The following DCLK3 variants were observed in gnomAD, a reference collection of about 807,000 sequenced individuals.
DCLK3 encodes doublecortin like kinase 3, also known as serine/threonine-protein kinase DCLK3.
A neutral mutation model predicts 46.4 loss-of-function variants in DCLK3; 30 were observed. That is an observed-to-expected ratio of 0.65 (90% CI 0.48 to 0.88). The LOEUF (loss-of-function observed/expected upper bound fraction) is 0.88, where lower values mean the gene tolerates loss of function less well. DCLK3 is among the 40% of genes least tolerant of loss of function. DCLK3 has a pLI of 0.00. For missense variants in DCLK3, 846 were observed against 907.1 expected (o/e 0.93, Z 0.87); for synonymous variants, 401 against 339.2 (o/e 1.18, Z -2.00).
chr3:36,726,468 G>A (rs1701126614), intron 2 of DCLK3, among the ~76,000 whole-genome samples: 1 of 152,034 alleles, frequency 6.6e-6, no homozygotes, highest in Non-Finnish European at 1.5e-5. Flanking sequence ...TCCTGGAACT[G>A]GGGCAAAGGC....
At chr3:36,728,885 T>A (rs534720205) in intron 2 of DCLK3, among the ~76,000 whole-genome samples, 1 of 152,082 alleles carries the variant, frequency 6.6e-6, no homozygotes, top group African/African-American at 2.4e-5. Context: ...CCCTCACTCA[T>A]CCCTATTCCA....
At position 36,737,917 on chromosome 3, in the gene DCLK3, T is replaced by C. The variant is rs916987229; in HGVS notation, c.1250A>G (p.Glu417Gly). 1.2e-6 allele frequency: 2 copies of C among 1,614,012 alleles called. No individual in the cohort carries two copies. The highest frequency in any genetic ancestry group is 1.7e-6 in the Non-Finnish European group (2 of 1,180,048). ...CCCCTCCTCTGTGACAGGAAGAACT[T>C]CCACAAGGTCCTTCTTGGCCTTGGC... ...GAAKAKKDLV[E>G]VLPVTEEGLR... Residue 417 changes from glutamate (E) to glycine (G), a missense_variant, in exon 2 of 5, where the codon GAA (glutamate) becomes GGA (glycine). Glu to Gly is a moderately conservative substitution (Grantham distance 98). Coordinates refer to ENST00000636136, the MANE Select transcript of DCLK3 (RefSeq NM_001394672.2). The surrounding 1 kb of genome is among the most constrained non-coding windows in gnomAD (Gnocchi z 4.4).
At chr3:36,755,522 T>C (rs889296534) in intron 1 of DCLK3, among the ~76,000 whole-genome samples, 1 of 152,212 alleles carries the variant, frequency 6.6e-6, no homozygotes, top group Non-Finnish European at 1.5e-5. Context: ...TAGATTCTTA[T>C]TTTACAAATA....
intron 1 of DCLK3, among the ~76,000 whole-genome samples, chr3:36,742,976 G>A (rs1013684668): frequency 2.0e-5 from 3 of 152,098 alleles, no homozygotes; most frequent in South Asian, 2.1e-4. Flanking sequence ...AGGCCTGCCC[G>A]AGTCCACTCA....
At chr3:36,723,990 C>T (rs1475759686) in intron 2 of DCLK3, among the ~76,000 whole-genome samples, 1 of 152,208 alleles carries the variant, frequency 6.6e-6, no homozygotes, top group African/African-American at 2.4e-5. Flanking sequence ...CTTTCAATGC[C>T]AGCCTGTGAA....
At chr3:36,750,774 A>C (rs1701433565) in intron 1 of DCLK3, among the ~76,000 whole-genome samples, 1 of 152,198 alleles carries the variant, frequency 6.6e-6, no homozygotes, top group Non-Finnish European at 1.5e-5. Context: ...GTAAGAACTG[A>C]AACAGACCTT....
At chr3:36,741,387 G>T (rs923977742) in intron 1 of DCLK3, among the ~76,000 whole-genome samples, 2 of 152,204 alleles carry the variant, frequency 1.3e-5, no homozygotes, top group African/African-American at 4.8e-5. Flanking sequence ...GACAGAGAAA[G>T]AGATTTTAGC....
intron 1 of DCLK3, among the ~76,000 whole-genome samples, chr3:36,757,358 C>T (rs575748721): frequency 1.6e-3 from 237 of 152,200 alleles, no homozygotes; most frequent in African/African-American, 5.4e-3. Context: ...GAAAGTTGAT[C>T]GTTTGTGCTC....
chr3:36,718,795 C>A (rs1430641856), intron 3 of DCLK3, among the ~76,000 whole-genome samples: 3 of 152,168 alleles, frequency 2.0e-5, no homozygotes, highest in African/African-American at 7.2e-5. Context: ...TGTTTACTAG[C>A]TGTATCCCCA....
Position 36,718,130 on chromosome 3 carries a change from T to A in DCLK3, c.2140A>T (p.Ile714Phe). 6.2e-7 allele frequency: 1 copy of A among 1,614,042 alleles called. No individual in the cohort carries two copies. Among genetic ancestry groups the A allele is most frequent in the Non-Finnish European group, 8.5e-7 (1 of 1,180,016 alleles). ...DMWAAGVILY[I>F]LLCGFPPFRS... ...AATGGGGGAAAGCCACACAGCAGGA[T>A]ATAGAGGATCACGCCAGCAGCCCAC... The change falls in exon 4 of 5, where the codon ATC (isoleucine) becomes TTC (phenylalanine). Residue 714 changes from isoleucine to phenylalanine, a missense_variant. Ile to Phe is a conservative substitution (Grantham distance 21). Coordinates refer to ENST00000636136, the MANE Select transcript of DCLK3 (RefSeq NM_001394672.2).
At chr3:36,752,787 A>T (rs977939892) in intron 1 of DCLK3, among the ~76,000 whole-genome samples, 2 of 152,204 alleles carry the variant, frequency 1.3e-5, no homozygotes, top group African/African-American at 4.8e-5. Context: ...TTGAAGCTTT[A>T]ACCTGTTTCC....
chr3:36,761,343 T>C lies in DCLK3; in HGVS notation c.82+2839A>G, dbSNP rs372097712. On this transcript the variant is annotated intron_variant, in intron 1 of 4. Coordinates refer to ENST00000636136, the MANE Select transcript of DCLK3 (RefSeq NM_001394672.2). ...GCTATTAAATGAATGGTGAAGATAC[T>C]GAGGTTCCTAGAGAAGTTCAGTGAC... Among the ~76,000 whole-genome samples, 77 of 152,298 alleles carry C rather than the reference T, an allele frequency of 5.1e-4. No homozygotes were observed. In the East Asian group the frequency reaches 0.013, roughly 25 times the overall value.
chr3:36,764,399 C>A lies in DCLK3; in HGVS notation c.-136G>T. On this transcript the variant is annotated 5_prime_UTR_variant, in exon 1 of 5. The change creates a new upstream start codon in the 5' untranslated region. Coordinates refer to ENST00000636136, the MANE Select transcript of DCLK3 (RefSeq NM_001394672.2). The surrounding 1 kb of genome is among the most constrained non-coding windows in gnomAD (Gnocchi z 4.9). ...CGCGCCGACTCTCCCTCTTCTCTCCCTCCCGCCGCCCGCCGCCCGCCTGCC... is the reference window on the plus strand; with the variant it reads ...CGCGCCGACTCTCCCTCTTCTCTCCATCCCGCCGCCCGCCGCCCGCCTGCC... 1 of 171,548 alleles carries A rather than the reference C, an allele frequency of 5.8e-6. No homozygotes were observed. The highest frequency in any genetic ancestry group is 1.8e-4 in the South Asian group (1 of 5,686). The allele number at this position is 171,548 out of a possible 1,614,324, so 10.6% of individuals were successfully genotyped here. A position where few individuals can be genotyped will look rare whatever the true frequency, so the allele number is the denominator to read the frequency against.
chr3:36,720,072 G>T (rs758889678), intron 3 of DCLK3, among the ~76,000 whole-genome samples: 1 of 152,182 alleles, frequency 6.6e-6, no homozygotes, highest in Non-Finnish European at 1.5e-5. Context: ...GGGGCCTGGC[G>T]GGAAGTGATT....
At chr3:36,717,867 C>T in intron 4 of DCLK3, 143 bp downstream of exon 4, 7 of 1,120,080 alleles carry the variant, frequency 6.2e-6, no homozygotes, top group Non-Finnish European at 9.0e-6. Context: ...CACAAACCTA[C>T]ATGAAGCTAC....
chr3:36,739,455 T>C (rs1369737872), intron 1 of DCLK3, among the ~76,000 whole-genome samples: 3 of 152,224 alleles, frequency 2.0e-5, no homozygotes, highest in African/African-American at 7.2e-5. Flanking sequence ...GATAATTGAA[T>C]CATGGGGGCA....
Position 36,738,768 on chromosome 3 carries a change from C to A in DCLK3, c.399G>T (p.Leu133Phe). Residue 133 changes from leucine to phenylalanine, a missense_variant, in exon 2 of 5, where the codon TTG (leucine) becomes TTT (phenylalanine). This residue lies in a region of DCLK3 where 553 missense variants were observed against 543.0 expected (regional missense o/e 1.02). Transcript: ENST00000636136. ...GGTCATTCTTCCATCTGGGAGAGCC[C>A]AAGGCTTCTGAGATGTCAGCTAAGA... ...EQLLADISEA[L>F]GSPRWKNDRV... The A allele has an allele frequency of 7.9e-7, 1 of 1,262,818 alleles. No individual in the cohort carries two copies. Among genetic ancestry groups the A allele is most frequent in the Non-Finnish European group, 1.0e-6 (1 of 987,458 alleles). The allele number at this position is 1,262,818 out of a possible 1,614,324, so 78.2% of individuals were successfully genotyped here.
intron 4 of DCLK3, among the ~76,000 whole-genome samples, chr3:36,717,501 G>T (rs1304693084): frequency 6.6e-6 from 1 of 152,162 alleles, no homozygotes; most frequent in Admixed American, 6.5e-5. Flanking sequence ...AGAGACAAGG[G>T]GAAGGATTTC....
chr3:36,731,429 T>C (rs1160662629), intron 2 of DCLK3, among the ~76,000 whole-genome samples: 2 of 148,360 alleles, frequency 1.3e-5, no homozygotes, highest in Non-Finnish European at 1.5e-5. Context: ...CTACTGTCCA[T>C]TCTATGATCT....
Sources: allele counts gnomAD v4.1 joint callset (sites outside exome capture counted in the v4.1 genomes callset), GRCh38; gene constraint gnomAD v4.1.1; regional missense constraint gnomAD v4.1.1; non-coding constraint Gnocchi (gnomAD v3.1); transcripts MANE v1.5; gene names NCBI Gene and HGNC (gene_info 2026-07-23, HGNC 2026-07-21).